Variants in ROCK2 observed in about 807,000 individuals in gnomAD.
ROCK2 encodes the protein Rho associated coiled-coil containing protein kinase 2, also known as rho-associated protein kinase 2.
Under a neutral mutation model 195.1 loss-of-function variants are expected in ROCK2, and 61 were observed. The ratio of observed to expected loss-of-function variants is 0.31; its 90% CI spans 0.25 to 0.39. The LOEUF is 0.39. ROCK2 is among the 10% of genes least tolerant of loss of function. The pLI is 1.00. For synonymous variants in ROCK2, 504 were observed against 545.5 expected (o/e 0.92, Z 1.06); for missense variants, 1,109 against 1,637.4 (o/e 0.68, Z 5.57).
chr2:11,208,829 G>A (rs1287155790), intron 18 of ROCK2, among the ~76,000 whole-genome samples: 2 of 152,012 alleles, frequency 1.3e-5, no homozygotes, highest in African/African-American at 4.8e-5. Context: ...CTGGCCTCAT[G>A]CAATCCACCC....
In ROCK2 at chr2:11,218,979, G is replaced by T; in HGVS notation, c.1307C>A (p.Ser436Ter). Residue 436 changes from serine to a stop codon, truncating the protein, a stop_gained, in exon 10 of 33, where the codon TCA becomes TAA. Coordinates refer to ENST00000315872, the MANE Select transcript of ROCK2 (RefSeq NM_004850.5). LOFTEE classifies it high-confidence loss of function. ...PSCRETDSIQSRKNEESQEIQ... is the reference protein window; with the variant it reads ...PSCRETDSIQ ...ATGTATACGTACTTCATTTTTCCTT[G>T]ATTGTATGGAATCAGTTTCTCTACA... 6.8e-7 allele frequency: 1 copy of T among 1,461,796 alleles called. No homozygotes were observed. The highest frequency in any genetic ancestry group is 9.4e-7 in the Non-Finnish European group (1 of 1,064,928). 90.6% of individuals were successfully genotyped at this position (1,461,796 alleles called of 1,614,324 possible).
At chr2:11,209,109 T>C (rs1664163026) in intron 18 of ROCK2, among the ~76,000 whole-genome samples, 1 of 152,214 alleles carries the variant, frequency 6.6e-6, no homozygotes, top group Non-Finnish European at 1.5e-5. Flanking sequence ...AGTGTTACTA[T>C]TTTTACCTTA....
chr2:11,281,606 T>C (rs1667005806), intron 3 of ROCK2, among the ~76,000 whole-genome samples: 1 of 152,016 alleles, frequency 6.6e-6, no homozygotes, highest in Non-Finnish European at 1.5e-5. Context: ...ATATGAGCAA[T>C]ACATATGAAA....
At chr2:11,274,979 G>A (rs572898410) in intron 3 of ROCK2, among the ~76,000 whole-genome samples, 8 of 152,194 alleles carry the variant, frequency 5.3e-5, no homozygotes, top group South Asian at 2.1e-4. Flanking sequence ...AGAACAGGCC[G>A]GGAGCAGTGG....
rs879400468 is a variant in ROCK2, at chr2:11,344,326, AGCCCGGCCCAGCCCG to A, written c.-205_-191del. The A allele has an allele frequency of 0.028, 32,386 of 1,166,808 alleles. 523 individuals are homozygous for A. Among genetic ancestry groups the A allele is most frequent in the Non-Finnish European group, 0.03 (28,808 of 949,552 alleles). The allele number at this position is 1,166,808 out of a possible 1,614,324, so 72.3% of individuals were successfully genotyped here. On this transcript the variant is annotated 5_prime_UTR_variant, in exon 1 of 33. Coordinates refer to ENST00000315872, the MANE Select transcript of ROCK2 (RefSeq NM_004850.5). The surrounding 1 kb of genome is among the most constrained non-coding windows in gnomAD (Gnocchi z 5.4). ...CTGCTCCCAGGGGCCCGCCCGGCCC[AGCCCGGCCCAGCCCG>A]GCCCGGCCCTGCCGGGAGCGGCGGG...
intron 6 of ROCK2, among the ~76,000 whole-genome samples, chr2:11,226,203 A>T (rs1664805812): frequency 1.3e-5 from 2 of 152,184 alleles, no homozygotes; most frequent in Admixed American, 6.5e-5. Flanking sequence ...ATGCCACGTC[A>T]CTGGCTTCCT....
At chr2:11,245,114 C>T (rs1665566805) in intron 4 of ROCK2, among the ~76,000 whole-genome samples, 1 of 151,626 alleles carries the variant, frequency 6.6e-6, no homozygotes, top group Non-Finnish European at 1.5e-5. Flanking sequence ...TTTTTCAGTG[C>T]ACTATAAAAG....
At chr2:11,317,612 A>ATATATATATATATATTTTTTTTTTTTT (rs59701503) in intron 1 of ROCK2, among the ~76,000 whole-genome samples, 1 of 19,312 alleles carries the variant, frequency 5.2e-5, no homozygotes, top group African/African-American at 1.6e-4. Context: ...ATATATATAT[A>ATATATATATATATATTTTTTTTTTTTT]TTTTTTTTTT....
At chr2:11,344,735 G>C (rs1669240816), upstream of ROCK2, 1 of 148,918 alleles carries the variant, frequency 6.7e-6, no homozygotes, top group Non-Finnish European at 1.5e-5. The surrounding 1 kb of genome is among the most constrained non-coding windows in gnomAD (Gnocchi z 5.4). Context: ...CCCGCCCCGC[G>C]CACCGCGCTT....
At chr2:11,314,865 A>C (rs543610491) in intron 1 of ROCK2, among the ~76,000 whole-genome samples, 1 of 152,174 alleles carries the variant, frequency 6.6e-6, no homozygotes, top group East Asian at 1.9e-4. Flanking sequence ...AATGTATATT[A>C]CAAATGAGAC....
intron 1 of ROCK2, among the ~76,000 whole-genome samples, chr2:11,291,653 G>C (rs1667366805): frequency 6.6e-6 from 1 of 152,146 alleles, no homozygotes; most frequent in South Asian, 2.1e-4. Context: ...AGTCTAAATT[G>C]ATAAGCAATA....
intron 19 of ROCK2, 75 bp from the exon 20 acceptor site, chr2:11,207,985 T>G (rs891645223): frequency 1.7e-4 from 193 of 1,151,122 alleles, no homozygotes; most frequent in Non-Finnish European, 2.0e-4. Flanking sequence ...TGGTATAAAA[T>G]ATGGTGATGT....
rs1289545213 is a variant in ROCK2 at position 11,198,887 on chromosome 2, T to TC, written c.2911-114_2911-113insG. ...ATTGTTAAACCTCTTATTTTTCTTT[T>TC]TTTTTTTTTTTTGAGACAGAGTCTT... On this transcript the variant is annotated intron_variant, in intron 23 of 32. Coordinates refer to ENST00000315872, the MANE Select transcript of ROCK2 (RefSeq NM_004850.5). 8.8e-4 allele frequency: 587 copies of TC among 666,378 alleles called. 2 individuals carry two copies. In the East Asian group the frequency reaches 0.014, roughly 16 times the overall value. 41.3% of individuals were successfully genotyped at this position (666,378 alleles called of 1,614,324 possible).
At chr2:11,286,767 C>T (rs533046891) in intron 2 of ROCK2, 128 bp from the exon 3 acceptor site, 129 of 547,296 alleles carry the variant, frequency 2.4e-4, no homozygotes, top group African/African-American at 2.3e-3. Context: ...TTTTTAAAGG[C>T]TGTTAGTTAA....
At chr2:11,335,887 A>G (rs1668912724) in intron 1 of ROCK2, among the ~76,000 whole-genome samples, 1 of 152,228 alleles carries the variant, frequency 6.6e-6, no homozygotes, top group Admixed American at 6.5e-5. Context: ...AAACATGACC[A>G]CTAAGCCAGA....
chr2:11,238,158 A>C (rs1665281417), intron 4 of ROCK2, among the ~76,000 whole-genome samples: 1 of 150,076 alleles, frequency 6.7e-6, no homozygotes, highest in African/African-American at 2.5e-5. Flanking sequence ...CAGGATGAAG[A>C]GAAGGAAGAA....
chr2:11,222,652 C>A (rs900771805), intron 7 of ROCK2, among the ~76,000 whole-genome samples: 2 of 152,056 alleles, frequency 1.3e-5, no homozygotes, highest in Admixed American at 1.3e-4. Flanking sequence ...TAAAGTATAT[C>A]TCTACATGTA....
chr2:11,215,344 T>G lies in ROCK2; in HGVS notation c.1666A>C (p.Lys556Gln). 1 of 1,605,188 alleles carries G rather than the reference T, an allele frequency of 6.2e-7. No individual in the cohort carries two copies. The highest frequency in any genetic ancestry group is 8.5e-7 in the Non-Finnish European group (1 of 1,176,258). The change falls in exon 15 of 33, where the codon AAA becomes CAA. Residue 556 changes from lysine (K) to glutamine (Q), a missense_variant. Transcript: ENST00000315872. ...RNQNSQISTE[K>Q]VNQLQRQLDE... ...ACTTGTCTCTGGAGTTGATTCACTT[T>G]CTCAGTGGATATTTGAGAGTTTTGA... is the stretch of plus-strand genomic sequence containing the variant.
At chr2:11,324,770 GTA>G (rs1668498758) in intron 1 of ROCK2, among the ~76,000 whole-genome samples, 1 of 152,214 alleles carries the variant, frequency 6.6e-6, no homozygotes, top group African/African-American at 2.4e-5. Context: ...AGTAAGAGAT[GTA>G]TGTCTTGCTT....
Sources: allele counts gnomAD v4.1 joint callset (sites outside exome capture counted in the v4.1 genomes callset), GRCh38; gene constraint gnomAD v4.1.1; non-coding constraint Gnocchi (gnomAD v3.1); transcripts MANE v1.5; gene names NCBI Gene and HGNC (gene_info 2026-07-23, HGNC 2026-07-21).